Variants in GNAT3 observed in about 807,000 individuals in gnomAD.
GNAT3 encodes guanine nucleotide-binding protein G(t) subunit alpha-3.
Under a neutral mutation model 37.7 loss-of-function variants are expected in GNAT3, and 31 were observed. That is an observed-to-expected ratio of 0.82 (90% CI 0.62 to 1.11). The LOEUF (loss-of-function observed/expected upper bound fraction) is 1.11, where lower values mean the gene tolerates loss of function less well. GNAT3 is among the 50% of genes most tolerant of loss of function. The pLI, the probability that GNAT3 is intolerant of heterozygous loss-of-function variation, is 0.00. For synonymous variants in GNAT3, 138 were observed against 139.8 expected, an observed-to-expected ratio of 0.99 and a Z score of 0.09; for missense variants, 437 against 412.5, an observed-to-expected ratio of 1.06 and a Z score of -0.51.
intron 3 of GNAT3, among the ~76,000 whole-genome samples, chr7:80,482,968 G>A (rs1169278367): frequency 6.6e-6 from 1 of 151,934 alleles, no homozygotes. Flanking sequence ...CTCCTACAAA[G>A]GCAAGTTATC....
At chr7:80,491,719 T>A (rs1369795117) in intron 2 of GNAT3, among the ~76,000 whole-genome samples, 1 of 152,154 alleles carries the variant, frequency 6.6e-6, no homozygotes, top group East Asian at 1.9e-4. Flanking sequence ...ATAAATAATC[T>A]TCGTAAGGGC....
At chr7:80,472,188 C>A (rs901070582) in intron 5 of GNAT3, among the ~76,000 whole-genome samples, 1 of 152,082 alleles carries the variant, frequency 6.6e-6, no homozygotes, top group African/African-American at 2.4e-5. Flanking sequence ...CTATGGCTCA[C>A]CCTGGCTTAG....
chr7:80,464,809 C>T (rs1398108134), intron 5 of GNAT3, among the ~76,000 whole-genome samples: 1 of 151,950 alleles, frequency 6.6e-6, no homozygotes, highest in African/African-American at 2.4e-5. Context: ...ATATATATAA[C>T]TAATATTCCC....
chr7:80,490,384 T>C (rs148642960), intron 2 of GNAT3, among the ~76,000 whole-genome samples: 36 of 152,284 alleles, frequency 2.4e-4, no homozygotes, highest in African/African-American at 8.2e-4. Flanking sequence ...GACTGAGTTA[T>C]AAGAAGGCAG....
intron 4 of GNAT3, among the ~76,000 whole-genome samples, chr7:80,476,487 A>G (rs1406310982): frequency 6.7e-6 from 1 of 148,956 alleles, no homozygotes; most frequent in African/African-American, 2.5e-5. Context: ...GTTTCCTCTG[A>G]TTATCCCTGC....
intron 4 of GNAT3, among the ~76,000 whole-genome samples, chr7:80,475,677 C>T (rs1790291009): frequency 6.6e-6 from 1 of 151,842 alleles, no homozygotes; most frequent in Admixed American, 6.6e-5. Flanking sequence ...TAGCACCTAG[C>T]ACAAAGATTG....
intron 3 of GNAT3, among the ~76,000 whole-genome samples, chr7:80,481,149 A>G (rs1439512000): frequency 6.6e-6 from 1 of 152,172 alleles, no homozygotes; most frequent in Non-Finnish European, 1.5e-5. Context: ...TGGTAAGGGT[A>G]AAAAAAGAAA....
At chr7:80,508,596 A>C (rs1790995637) in intron 1 of GNAT3, among the ~76,000 whole-genome samples, 2 of 152,060 alleles carry the variant, frequency 1.3e-5, no homozygotes, top group African/African-American at 4.8e-5. Flanking sequence ...TGTGCTCAGC[A>C]ATGTATGAGT....
At position 80,511,801 on chromosome 7, in the gene GNAT3, G is replaced by C. The variant is rs749128157; in HGVS notation, c.118+8C>G. On this transcript the variant is annotated splice_region_variant and intron_variant, in intron 1 of 7. Coordinates refer to ENST00000398291, the MANE Select transcript of GNAT3 (RefSeq NM_001102386.3). ...AGGTTTTTGAAAGCAAAAGGGAAAA[G>C]AAATTACCTAATAGTAGCAGCTTTA... 3 of 1,573,346 alleles carry C rather than the reference G, an allele frequency of 1.9e-6. No homozygotes were observed. In the East Asian group the frequency reaches 6.7e-5, roughly 35 times the overall value.
chr7:80,493,219 C>T (rs1423045109), intron 2 of GNAT3, among the ~76,000 whole-genome samples: 3 of 152,050 alleles, frequency 2.0e-5, no homozygotes, highest in Admixed American at 6.6e-5. Context: ...GAGGTTCAAG[C>T]ATGATCACAG....
intron 1 of GNAT3, among the ~76,000 whole-genome samples, chr7:80,495,830 T>C (rs1253274656): frequency 1.3e-5 from 2 of 152,182 alleles, no homozygotes; most frequent in East Asian, 3.9e-4. Context: ...CTTACATGAT[T>C]GTTAGCCATT....
intron 4 of GNAT3, among the ~76,000 whole-genome samples, chr7:80,478,586 A>T (rs6467193): frequency 0.021 from 3,130 of 152,248 alleles, 78 homozygotes; most frequent in African/African-American, 0.057. Flanking sequence ...TCAAGAGAAG[A>T]TATTTGCACC....
chr7:80,475,496 G>A (rs931304669), intron 4 of GNAT3, among the ~76,000 whole-genome samples: 1 of 151,502 alleles, frequency 6.6e-6, no homozygotes, highest in African/African-American at 2.4e-5. Flanking sequence ...AATAGTAATA[G>A]CATGGTAATG....
chr7:80,488,761 A>G, intron 2 of GNAT3, 85 bp from the exon 3 acceptor site: 1 of 950,768 alleles, frequency 1.1e-6, no homozygotes. Flanking sequence ...CTTGAATAAA[A>G]TTACAGTATA....
intron 3 of GNAT3, among the ~76,000 whole-genome samples, chr7:80,487,000 A>C (rs1195995824): frequency 6.6e-6 from 1 of 152,120 alleles, no homozygotes; most frequent in African/African-American, 2.4e-5. Flanking sequence ...ATTGCCTAAG[A>C]GGAAAAAATA....
At position 80,475,105 on chromosome 7, in the gene GNAT3, T is replaced by C. The variant is rs1053947589; in HGVS notation, c.462-726A>G. ...TCTCCTGGGGACAGAAGGGTGAACG[T>C]ACCCACTGTCCCCACTCCCACCTCC... On this transcript the variant is annotated intron_variant, in intron 4 of 7. Transcript: ENST00000398291. Among the ~76,000 whole-genome samples the C allele has an allele frequency of 7.9e-5, 12 of 152,132 alleles. No individual in the cohort carries two copies. In the South Asian group the frequency reaches 1.5e-3, roughly 18 times the overall value.
At chr7:80,506,561 G>A (rs987270037) in intron 1 of GNAT3, among the ~76,000 whole-genome samples, 1 of 152,034 alleles carries the variant, frequency 6.6e-6, no homozygotes, top group African/African-American at 2.4e-5. Context: ...TGTAAATATC[G>A]GGAACTTTCA....
chr7:80,503,095 TAAAA>T (rs1189312992), intron 1 of GNAT3, among the ~76,000 whole-genome samples: 2 of 152,110 alleles, frequency 1.3e-5, no homozygotes, highest in Non-Finnish European at 2.9e-5. Context: ...GTTACATAGT[TAAAA>T]AACCTATCAA....
chr7:80,480,299 C>G (rs1790372563), intron 3 of GNAT3, among the ~76,000 whole-genome samples: 1 of 152,108 alleles, frequency 6.6e-6, no homozygotes, highest in South Asian at 2.1e-4. Context: ...ATGAGATAGA[C>G]ACTATATTTT....
Sources: allele counts gnomAD v4.1 joint callset (sites outside exome capture counted in the v4.1 genomes callset), GRCh38; gene constraint gnomAD v4.1.1; transcripts MANE v1.5; gene names NCBI Gene and HGNC (gene_info 2026-07-23, HGNC 2026-07-21).